ONECUT1: variants seen among roughly 807,000 people sequenced by gnomAD.
ONECUT1 encodes hepatocyte nuclear factor 6.
ONECUT1 carries 12 observed loss-of-function variants against 25.6 expected under a neutral mutation model. The ratio of observed to expected loss-of-function variants is 0.47; its 90% confidence interval spans 0.30 to 0.76. The LOEUF is 0.76. Among genes scored for constraint, ONECUT1 ranks in the 30% least tolerant of loss-of-function variants. The probability of loss-of-function intolerance (pLI) is 0.07; values close to 1 mark genes in which losing one functional copy is unlikely to be tolerated. For missense variants in ONECUT1, 620 were observed against 651.2 expected, an observed-to-expected ratio of 0.95 and a Z score of 0.52; for synonymous variants, 285 against 270.2, an observed-to-expected ratio of 1.05 and a Z score of -0.54.
rs760651570 is a variant in ONECUT1 at position 52,789,740 on chromosome 15, G to T, written c.145C>A (p.His49Asn). The T allele has an allele frequency of 1.4e-6, 2 of 1,412,822 alleles. No individual in the cohort carries two copies. Among genetic ancestry groups the T allele is most frequent in the East Asian group, 5.6e-5 (2 of 35,416 alleles). 87.5% of individuals were successfully genotyped at this position (1,412,822 alleles called of 1,614,324 possible). Residue 49 changes from histidine (H) to asparagine (N), a missense_variant, in exon 1 of 2, where the codon CAC becomes AAC. Around this residue, in one of 4 missense-constraint regions of ONECUT1, gnomAD observed 440 missense variants for 404.9 expected, o/e 1.09. Transcript: ENST00000305901. This position sits in a 1 kb window ranked among gnomAD's most constrained non-coding sequence, Gnocchi z 4.1. ...GACGCCATGCCCATGGAGCGCGGGT[G>T]CGCGGGGGGCAGGTGGCTGCCGCGG... The part of the protein sequence containing the change: ...AHRGSHLPPA[H>N]PRSMGMASLL...
chr15:52,755,483 T>C lies in ONECUT1; in HGVS notation c.*2072A>G, dbSNP rs1309115668. ...ATGTCAAGGCAAATGAAGTATTTCATCAAAAGAGAAGTATATGTTGGTTTC... is the reference window on the plus strand; with the variant it reads ...ATGTCAAGGCAAATGAAGTATTTCACCAAAAGAGAAGTATATGTTGGTTTC... On this transcript the variant is annotated 3_prime_UTR_variant, in exon 2 of 2. Transcript: ENST00000305901. 6.6e-6 allele frequency among the ~76,000 whole-genome samples: 1 copy of C among 152,188 alleles called. No homozygotes were observed. Among genetic ancestry groups the C allele is most frequent in the Non-Finnish European group, 1.5e-5 (1 of 68,034 alleles).
chr15:52,789,619 A>G lies in ONECUT1; in HGVS notation c.266T>C (p.Met89Thr). The G allele has an allele frequency of 6.4e-7, 1 of 1,564,060 alleles. No individual in the cohort carries two copies. The highest frequency in any genetic ancestry group is 8.7e-7 in the Non-Finnish European group (1 of 1,153,034). ...LAGPLHPTMT[M>T]ACETPPGMSM... is the part of the protein sequence containing the mutation. ...CATACCTGGGGGAGTCTCGCAGGCC[A>G]TGGTCATGGTGGGATGCAGGGGGCC... The change falls in exon 1 of 2, where the codon ATG (methionine) becomes ACG (threonine). Residue 89 changes from methionine to threonine, a missense_variant. Transcript: ENST00000305901. The surrounding 1 kb of genome is among the most constrained non-coding windows in gnomAD (Gnocchi z 4.1).
intron 1 of ONECUT1, among the ~76,000 whole-genome samples, chr15:52,770,535 G>A (rs536290093): frequency 3.3e-5 from 5 of 152,112 alleles, no homozygotes; most frequent in Admixed American, 2.6e-4. Context: ...TGAGAGTCCC[G>A]AGCGTGAACT....
At chr15:52,787,410 G>A (rs1230365966) in intron 1 of ONECUT1, among the ~76,000 whole-genome samples, 2 of 152,076 alleles carry the variant, frequency 1.3e-5, no homozygotes, top group Admixed American at 6.5e-5. Context: ...CTTCTCATTG[G>A]CAGGCACGAG....
rs2083864334 is a variant in ONECUT1, at chr15:52,784,945, C to T, written c.1105+3835G>A. On this transcript the variant is annotated intron_variant, in intron 1 of 1. Transcript: ENST00000305901. The surrounding 1 kb of genome is among the most constrained non-coding windows in gnomAD (Gnocchi z 5.0). ...GGTCGCGCCCTGCTGGCCCTTTGTTCGCGCCGCAGCGGGCTGGGAGCAGCT... is the reference window on the plus strand; with the variant it reads ...GGTCGCGCCCTGCTGGCCCTTTGTTTGCGCCGCAGCGGGCTGGGAGCAGCT... Among the ~76,000 whole-genome samples, 1 of 152,214 alleles carries T rather than the reference C, an allele frequency of 6.6e-6. No individual in the cohort carries two copies. The highest frequency in any genetic ancestry group is 1.5e-5 in the Non-Finnish European group (1 of 68,036).
At chr15:52,783,204 C>G (rs7183326) in intron 1 of ONECUT1, among the ~76,000 whole-genome samples, 3,233 of 152,304 alleles carry the variant, frequency 0.021, 111 homozygotes, top group African/African-American at 0.075. Flanking sequence ...GATCCAACCC[C>G]TGTCACACCC....
In ONECUT1 at chr15:52,784,267, G is replaced by C. The variant is rs540857617; in HGVS notation, c.1105+4513C>G. Reference sequence around the variant, plus strand: ...ATTGTTGGCACTGTCCGACCCAAGTGTCGGTGGTAAGCGGCGATGTCGGGG... The same window carrying C: ...ATTGTTGGCACTGTCCGACCCAAGTCTCGGTGGTAAGCGGCGATGTCGGGG... On this transcript the variant is annotated intron_variant, in intron 1 of 1. Transcript: ENST00000305901. This position sits in a 1 kb window ranked among gnomAD's most constrained non-coding sequence, Gnocchi z 5.0. 6.6e-6 allele frequency among the ~76,000 whole-genome samples: 1 copy of C among 152,372 alleles called. No individual in the cohort carries two copies. Among genetic ancestry groups the C allele is most frequent in the South Asian group, 2.1e-4 (1 of 4,828 alleles).
At chr15:52,780,568 G>A in intron 1 of ONECUT1, 2 of 1,532,320 alleles carry the variant, frequency 1.3e-6, no homozygotes, top group Non-Finnish European at 1.7e-6. Context: ...TGAATTGAAA[G>A]GACATTTAAT....
chr15:52,767,269 C>T (rs2083740127), intron 1 of ONECUT1, among the ~76,000 whole-genome samples: 1 of 152,148 alleles, frequency 6.6e-6, no homozygotes, highest in African/African-American at 2.4e-5. Context: ...GAGAACCATA[C>T]CAGCTTTCGC....
intron 1 of ONECUT1, among the ~76,000 whole-genome samples, chr15:52,771,481 ATATC>A (rs2083767383): frequency 6.6e-6 from 1 of 151,124 alleles, no homozygotes; most frequent in Non-Finnish European, 1.5e-5. Flanking sequence ...GTCTGTGTAT[ATATC>A]TATGGAAAAA....
At chr15:52,785,410 G>A (rs968045236) in intron 1 of ONECUT1, among the ~76,000 whole-genome samples, 1 of 152,134 alleles carries the variant, frequency 6.6e-6, no homozygotes, top group Non-Finnish European at 1.5e-5. Flanking sequence ...ACGGGAAGGG[G>A]GCGCCGCCAA....
At chr15:52,783,082 G>A (rs539962814) in intron 1 of ONECUT1, among the ~76,000 whole-genome samples, 2 of 152,322 alleles carry the variant, frequency 1.3e-5, no homozygotes, top group African/African-American at 4.8e-5. Context: ...TGGAAATAAT[G>A]ACATCAAAAC....
At chr15:52,768,925 G>T (rs1002964265) in intron 1 of ONECUT1, among the ~76,000 whole-genome samples, 1 of 152,118 alleles carries the variant, frequency 6.6e-6, no homozygotes, top group African/African-American at 2.4e-5. Context: ...CAAGGACCTT[G>T]ACACCCTGAC....
At chr15:52,760,435 G>A (rs1044553894) in intron 1 of ONECUT1, among the ~76,000 whole-genome samples, 5 of 152,222 alleles carry the variant, frequency 3.3e-5, no homozygotes, top group African/African-American at 1.2e-4. Flanking sequence ...TACAACACAG[G>A]TTTTGCTCTT....
rs1388940101 is a variant in ONECUT1 at position 52,784,038 on chromosome 15, C to G, written c.1105+4742G>C. Among the ~76,000 whole-genome samples, 1 of 152,186 alleles carries G rather than the reference C, an allele frequency of 6.6e-6. No homozygotes were observed. Among genetic ancestry groups the G allele is most frequent in the Admixed American group, 6.5e-5 (1 of 15,276 alleles). ...CAGCAAGCATCCCTTTCTTCGCTGC[C>G]GCGGGCTGAACCACGGACGCTCGCG... On this transcript the variant is annotated intron_variant, in intron 1 of 1. Coordinates refer to ENST00000305901, the MANE Select transcript of ONECUT1 (RefSeq NM_004498.4). The surrounding 1 kb of genome is among the most constrained non-coding windows in gnomAD (Gnocchi z 5.0).
intron 1 of ONECUT1, among the ~76,000 whole-genome samples, chr15:52,764,275 C>T (rs2083721755): frequency 6.6e-6 from 1 of 152,176 alleles, no homozygotes; most frequent in Non-Finnish European, 1.5e-5. Flanking sequence ...AGCTCTGGCC[C>T]AGCTCCGTGG....
intron 1 of ONECUT1, among the ~76,000 whole-genome samples, chr15:52,762,472 A>C (rs1009427926): frequency 2.6e-5 from 4 of 152,198 alleles, no homozygotes; most frequent in Admixed American, 1.3e-4. Flanking sequence ...TACAATATTA[A>C]TGTTGGGGAA....
rs2083892657 is a variant in ONECUT1 at position 52,788,625 on chromosome 15, T to G, written c.1105+155A>C. ...AGTAGGCAATTTGCTCCCACAGCCC[T>G]GTGCTGGCCCTTCCAGGCACAGGGA... On this transcript the variant is annotated intron_variant, in intron 1 of 1. Transcript: ENST00000305901. This position sits in a 1 kb window ranked among gnomAD's most constrained non-coding sequence, Gnocchi z 4.3. The G allele has an allele frequency of 1.3e-6, 1 of 784,386 alleles. No individual in the cohort carries two copies. Among genetic ancestry groups the G allele is most frequent in the East Asian group, 2.7e-5 (1 of 36,916 alleles). 48.6% of individuals were successfully genotyped at this position (784,386 alleles called of 1,614,324 possible). A position where few individuals can be genotyped will look rare whatever the true frequency, so the allele number is the denominator to read the frequency against.
intron 1 of ONECUT1, among the ~76,000 whole-genome samples, chr15:52,765,537 A>T (rs971148004): frequency 2.6e-5 from 4 of 151,946 alleles, no homozygotes; most frequent in Admixed American, 6.6e-5. Flanking sequence ...ATATATGTGG[A>T]TGAGCGAGCA....
Sources: gnomAD v4.1 joint callset for allele counts (sites outside exome capture counted in the v4.1 genomes callset) on GRCh38, gnomAD v4.1.1 for gene constraint, gnomAD v4.1.1 regional missense constraint, Gnocchi (gnomAD v3.1) non-coding constraint, MANE v1.5 for transcripts, NCBI Gene and HGNC (gene_info 2026-07-23, HGNC 2026-07-21) for gene names.